TMEM132C: variants seen among roughly 807,000 people sequenced by gnomAD.
TMEM132C encodes protein phosphatase 1, regulatory subunit 152.
TMEM132C carries 29 observed loss-of-function variants against 61.4 expected under a neutral mutation model. That is an observed-to-expected ratio of 0.47 (90% CI 0.35 to 0.64). The LOEUF (loss-of-function observed/expected upper bound fraction) is 0.64. Ranked by LOEUF, TMEM132C falls within the 30% of genes least tolerant of loss-of-function variation. The probability of loss-of-function intolerance (pLI) is 0.00; values close to 1 mark genes in which losing one functional copy is unlikely to be tolerated. For missense variants in TMEM132C, 1,408 were observed against 1,476.9 expected, an observed-to-expected ratio of 0.95 and a Z score of 0.76; for synonymous variants, 656 against 633.1, an observed-to-expected ratio of 1.04 and a Z score of -0.54.
chr12:128,509,531 A>G (rs772575641), intron 2 of TMEM132C, among the ~76,000 whole-genome samples: 1 of 152,222 alleles, frequency 6.6e-6, no homozygotes, highest in Non-Finnish European at 1.5e-5. Flanking sequence ...AGAAGGAGGC[A>G]GTTTTTGCAT....
intron 3 of TMEM132C, among the ~76,000 whole-genome samples, chr12:128,596,618 A>G (rs546144425): frequency 5.3e-5 from 6 of 112,802 alleles, no homozygotes; most frequent in Admixed American, 2.8e-4. Context: ...CACTGATCCC[A>G]TGTCCTCTCC....
At chr12:128,573,837 T>C (rs1354637020) in intron 3 of TMEM132C, among the ~76,000 whole-genome samples, 1 of 150,394 alleles carries the variant, frequency 6.6e-6, no homozygotes, top group African/African-American at 2.4e-5. Context: ...CCTTAAATGG[T>C]TAAATGGTAA....
At chr12:128,316,267 C>G (rs1872150274) in intron 1 of TMEM132C, among the ~76,000 whole-genome samples, 1 of 152,144 alleles carries the variant, frequency 6.6e-6, no homozygotes, top group Non-Finnish European at 1.5e-5. Flanking sequence ...TCAGGCGGCT[C>G]CAAGTGTGTG....
At position 128,286,255 on chromosome 12, in the gene TMEM132C, A is replaced by G. The variant is rs149829029; in HGVS notation, c.85+18768A>G. Among the ~76,000 whole-genome samples, 904 of 152,268 alleles carry G rather than the reference A, an allele frequency of 5.9e-3. 9 individuals carry two copies. Among genetic ancestry groups the G allele is most frequent in the African/African-American group, 0.021 (872 of 41,552 alleles). ...GGAAGGTCTTTGCTTCCCTTAGCTT[A>G]TACGTGAACATTTCAGGAAACGACT... On this transcript the variant is annotated intron_variant, in intron 1 of 8. Transcript: ENST00000435159.
intron 1 of TMEM132C, among the ~76,000 whole-genome samples, chr12:128,285,672 C>G (rs891439233): frequency 6.7e-6 from 1 of 148,410 alleles, no homozygotes. Flanking sequence ...TCCCTCCCCT[C>G]GCCCCCATCT....
At chr12:128,361,712 C>T (rs935681831) in intron 1 of TMEM132C, among the ~76,000 whole-genome samples, 2 of 151,154 alleles carry the variant, frequency 1.3e-5, no homozygotes, top group Non-Finnish European at 1.5e-5. Context: ...AGATGGAGAC[C>T]ATGTGCTTTC....
chr12:128,492,765 G>A (rs1202631675), intron 2 of TMEM132C, among the ~76,000 whole-genome samples: 2 of 152,092 alleles, frequency 1.3e-5, no homozygotes, highest in African/African-American at 4.8e-5. Context: ...TTTGTCAGAG[G>A]GGTAGATTGC....
At chr12:128,342,312 G>T (rs1292285369) in intron 1 of TMEM132C, among the ~76,000 whole-genome samples, 1 of 152,116 alleles carries the variant, frequency 6.6e-6, no homozygotes, top group Non-Finnish European at 1.5e-5. Context: ...CAGCCAGCCT[G>T]GCCACGCTTC....
rs1407534721 is a variant in TMEM132C, at chr12:128,415,662, G to A, written c.974+42G>A. On this transcript the variant is annotated intron_variant, in intron 2 of 8. Transcript: ENST00000435159. This position sits in a 1 kb window ranked among gnomAD's most constrained non-coding sequence, Gnocchi z 5.8. ...GCCCCTGATCATCTTTGGCATGCCT[G>A]GTGTGAGACTGGGTTCCATGCGTGG... 2.0e-6 allele frequency: 3 copies of A among 1,472,882 alleles called. No homozygotes were observed. Among genetic ancestry groups the A allele is most frequent in the East Asian group, 2.5e-5 (1 of 40,030 alleles). The allele number at this position is 1,472,882 out of a possible 1,614,324, so 91.2% of individuals were successfully genotyped here.
chr12:128,623,235 G>A lies in TMEM132C; in HGVS notation c.1305+6900G>A, dbSNP rs1403699709. Among the ~76,000 whole-genome samples the A allele has an allele frequency of 2.6e-5, 4 of 152,096 alleles. No individual in the cohort carries two copies. In the South Asian group the frequency reaches 8.3e-4, roughly 32 times the overall value. ...GTAGCATCATCATTATCTGAACTTT[G>A]GTTTCCCTATCAGTAAAAGGAAAGT... On this transcript the variant is annotated intron_variant, in intron 4 of 8. Coordinates refer to ENST00000435159, the MANE Select transcript of TMEM132C (RefSeq NM_001136103.3).
Position 128,326,217 on chromosome 12 carries a change from G to A in TMEM132C, c.85+58730G>A, listed in dbSNP as rs1210083241. The stretch of plus-strand genomic sequence containing the variant: ...TATCAAATTGCAAAAGAGGCAGTAA[G>A]ACAAAAATCTGTCTTGGTTTGAGCA... On this transcript the variant is annotated intron_variant, in intron 1 of 8. Coordinates refer to ENST00000435159, the MANE Select transcript of TMEM132C (RefSeq NM_001136103.3). The surrounding 1 kb of genome is among the most constrained non-coding windows in gnomAD (Gnocchi z 5.6). Among the ~76,000 whole-genome samples the A allele has an allele frequency of 6.6e-6, 1 of 152,116 alleles. No individual in the cohort carries two copies. The highest frequency in any genetic ancestry group is 1.5e-5 in the Non-Finnish European group (1 of 68,024).
chr12:128,599,746 A>G (rs1204371519), intron 3 of TMEM132C, among the ~76,000 whole-genome samples: 1 of 152,194 alleles, frequency 6.6e-6, no homozygotes, highest in East Asian at 1.9e-4. Flanking sequence ...ACCTTGAACA[A>G]GAGGACAGAG....
intron 2 of TMEM132C, among the ~76,000 whole-genome samples, chr12:128,460,302 T>G (rs1870490128): frequency 6.6e-6 from 1 of 152,194 alleles, no homozygotes; most frequent in African/African-American, 2.4e-5. Context: ...GACCCATCTC[T>G]CACCCCTGCT....
intron 2 of TMEM132C, among the ~76,000 whole-genome samples, chr12:128,517,393 C>T (rs1416186703): frequency 6.6e-6 from 1 of 152,118 alleles, no homozygotes; most frequent in African/African-American, 2.4e-5. Context: ...CGAGATCACA[C>T]CACTGCACTT....
Position 128,423,889 on chromosome 12 carries a change from G to GA in TMEM132C, c.974+8276dup, listed in dbSNP as rs536312271. 3.5e-3 allele frequency among the ~76,000 whole-genome samples: 533 copies of GA among 150,992 alleles called. 7 individuals are homozygous for GA. The highest frequency in any genetic ancestry group is 0.024 in the South Asian group (113 of 4,748). ...TCTACTTAAAAGAAAGAAAGAAAGG[G>GA]AAAAAAATTAGCTGGGCGTGGTGGC... On this transcript the variant is annotated intron_variant, in intron 2 of 8. Transcript: ENST00000435159.
chr12:128,453,023 T>C (rs1870228577), intron 2 of TMEM132C, among the ~76,000 whole-genome samples: 1 of 152,224 alleles, frequency 6.6e-6, no homozygotes, highest in Non-Finnish European at 1.5e-5. Flanking sequence ...GATACACACC[T>C]GGCTCTTCCA....
chr12:128,512,693 T>C (rs1020474709), intron 2 of TMEM132C, among the ~76,000 whole-genome samples: 11 of 152,058 alleles, frequency 7.2e-5, no homozygotes, highest in Non-Finnish European at 1.5e-4. Flanking sequence ...CAGGGAAAAA[T>C]TGTCTGTCAT....
At chr12:128,497,909 C>T (rs972582610) in intron 2 of TMEM132C, among the ~76,000 whole-genome samples, 6 of 152,154 alleles carry the variant, frequency 3.9e-5, no homozygotes, top group African/African-American at 9.7e-5. Flanking sequence ...CACCCGTCTT[C>T]TGCATCGCTC....
In TMEM132C at chr12:128,409,348, A is replaced by C. The variant is rs575742361; in HGVS notation, c.86-5384A>C. Among the ~76,000 whole-genome samples, 10 of 152,248 alleles carry C rather than the reference A, an allele frequency of 6.6e-5. No homozygotes were observed. The East Asian group carries it at 1.9e-3, about 30-fold the overall frequency. On this transcript the variant is annotated intron_variant, in intron 1 of 8. Transcript: ENST00000435159. ...GCCTGTGAGCCCCCAGTATTCAGCA[A>C]CTTAGCCAGCTGAATCTTGTAAATC...
Sources: allele counts gnomAD v4.1 joint callset (sites outside exome capture counted in the v4.1 genomes callset), GRCh38; gene constraint gnomAD v4.1.1; non-coding constraint Gnocchi (gnomAD v3.1); transcripts MANE v1.5; gene names NCBI Gene and HGNC (gene_info 2026-07-23, HGNC 2026-07-21).